PTPRN2: variants seen among roughly 807,000 people sequenced by gnomAD.
The protein encoded by PTPRN2 is protein tyrosine phosphatase receptor type N2.
Under a neutral mutation model 118.8 loss-of-function variants are expected in PTPRN2, and 74 were observed. The observed-to-expected ratio is 0.62, with a 90% CI of 0.52 to 0.76. The LOEUF (loss-of-function observed/expected upper bound fraction) is 0.76, where lower values mean the gene tolerates loss of function less well. PTPRN2 is among the 30% of genes least tolerant of loss of function. The pLI is 0.00. For synonymous variants in PTPRN2, 641 were observed against 608.0 expected (o/e 1.05, Z -0.80); for missense variants, 1,481 against 1,394.4 (o/e 1.06, Z -0.99).
At chr7:157,608,716 A>G (rs1033965881) in intron 15 of PTPRN2, among the ~76,000 whole-genome samples, 2 of 152,154 alleles carry the variant, frequency 1.3e-5, no homozygotes, top group African/African-American at 4.8e-5. Flanking sequence ...GGCCAACCCC[A>G]GGCTGGAGAT....
chr7:158,218,057 T>C (rs922562121), intron 3 of PTPRN2, among the ~76,000 whole-genome samples: 4 of 152,134 alleles, frequency 2.6e-5, no homozygotes, highest in Non-Finnish European at 5.9e-5. Context: ...CCAATCTCAC[T>C]AGAGGTTGAC....
intron 13 of PTPRN2, among the ~76,000 whole-genome samples, chr7:157,657,960 AACAGAC>A (rs1214238583): frequency 1.6e-5 from 1 of 60,750 alleles, no homozygotes; most frequent in Non-Finnish European, 4.1e-5. Context: ...ACACATATGT[AACAGAC>A]ACACACACAC....
rs143130966 is a variant in PTPRN2 at position 158,132,756 on chromosome 7, G to A, written c.1556+921C>T. On this transcript the variant is annotated intron_variant, in intron 9 of 22. Coordinates refer to ENST00000389418, the MANE Select transcript of PTPRN2 (RefSeq NM_002847.5). ...TACCCAACATACACTATACACACAC[G>A]CACATACACATCTACCCAACACACA... Among the ~76,000 whole-genome samples, 392 of 147,410 alleles carry A rather than the reference G, an allele frequency of 2.7e-3. 1 individual carries two copies. The highest frequency in any genetic ancestry group is 9.1e-3 in the African/African-American group (363 of 39,824).
At chr7:157,995,290 G>T (rs73169729) in intron 11 of PTPRN2, among the ~76,000 whole-genome samples, 1 of 149,138 alleles carries the variant, frequency 6.7e-6, no homozygotes, top group Non-Finnish European at 1.5e-5. Flanking sequence ...AATCAACGCC[G>T]CATCCCCAGC....
intron 11 of PTPRN2, among the ~76,000 whole-genome samples, chr7:158,024,818 C>A (rs73527309): frequency 1.3e-5 from 2 of 152,314 alleles, no homozygotes; most frequent in African/African-American, 4.8e-5. Context: ...GACCTCAATT[C>A]CTTTCCACTG....
At chr7:157,976,363 A>G (rs2043496) in intron 11 of PTPRN2, among the ~76,000 whole-genome samples, 120,375 of 152,086 alleles carry the variant, frequency 0.79, 47,960 homozygotes, top group African/African-American at 0.88. Context: ...TCCTGCTCCT[A>G]GCACCGGCTG....
At chr7:158,407,128 T>C (rs144742849) in intron 2 of PTPRN2, among the ~76,000 whole-genome samples, 10,170 of 133,346 alleles carry the variant, frequency 0.076, 498 homozygotes, top group East Asian at 0.14. Context: ...TCCTGGGTCC[T>C]GGGTCCTGCG....
chr7:158,585,618 G>C (rs1215877706), intron 1 of PTPRN2, among the ~76,000 whole-genome samples: 2 of 152,208 alleles, frequency 1.3e-5, no homozygotes, highest in African/African-American at 4.8e-5. Flanking sequence ...CAGTTTAGCA[G>C]CTTTCCTCTC....
intron 6 of PTPRN2, among the ~76,000 whole-genome samples, chr7:158,147,368 C>T (rs1224753125): frequency 1.6e-5 from 1 of 63,762 alleles, no homozygotes. Flanking sequence ...ATCTTTCCCC[C>T]TCAATGACAC....
chr7:158,316,741 A>T, intron 3 of PTPRN2, 78 bp downstream of exon 3: 2 of 1,089,014 alleles, frequency 1.8e-6, no homozygotes, highest in Non-Finnish European at 1.3e-6. Context: ...CCAGCTCCTC[A>T]CCGCCCAGGA....
At chr7:158,523,618 G>C (rs1484133864) in intron 1 of PTPRN2, among the ~76,000 whole-genome samples, 19 of 124,544 alleles carry the variant, frequency 1.5e-4, no homozygotes, top group African/African-American at 5.6e-4. Flanking sequence ...GTCTGCCCTG[G>C]AGTGGAGTCA....
At chr7:157,684,595 T>G (rs920122937) in intron 12 of PTPRN2, among the ~76,000 whole-genome samples, 1 of 12,742 alleles carries the variant, frequency 7.8e-5, no homozygotes, top group South Asian at 2.6e-3. Context: ...TCCCCTCCCC[T>G]CCCCTCCGCC....
At chr7:158,240,063 A>C (rs181123718) in intron 3 of PTPRN2, among the ~76,000 whole-genome samples, 3 of 152,232 alleles carry the variant, frequency 2.0e-5, no homozygotes, top group East Asian at 3.9e-4. Context: ...GAAAAATACC[A>C]CTGGAACCTC....
At chr7:158,023,769 C>CA (rs1807072998) in intron 11 of PTPRN2, among the ~76,000 whole-genome samples, 2 of 152,326 alleles carry the variant, frequency 1.3e-5, no homozygotes, top group African/African-American at 4.8e-5. Flanking sequence ...GCCACTCAGT[C>CA]ATGTCAGTCC....
chr7:157,813,011 G>A lies in PTPRN2; in HGVS notation c.1788+85662C>T, dbSNP rs1226046461. Among the ~76,000 whole-genome samples the A allele has an allele frequency of 6.6e-6, 1 of 152,156 alleles. No individual in the cohort carries two copies. The highest frequency in any genetic ancestry group is 2.4e-5 in the African/African-American group (1 of 41,410). On this transcript the variant is annotated intron_variant, in intron 12 of 22. Transcript: ENST00000389418. The surrounding 1 kb of genome is among the most constrained non-coding windows in gnomAD (Gnocchi z 4.7). The stretch of plus-strand genomic sequence containing the variant: ...TTCACCCGGACCACAGCCTCTGGAT[G>A]AGCTTCTGTTAAAAAGAGATGACTC...
intron 1 of PTPRN2, among the ~76,000 whole-genome samples, chr7:158,504,335 C>G (rs1414392737): frequency 2.0e-5 from 3 of 152,156 alleles, no homozygotes; most frequent in Non-Finnish European, 4.4e-5. Context: ...AGCAATTATT[C>G]CTGTGCTCTC....
At chr7:158,086,779 T>A (rs28393185) in intron 10 of PTPRN2, among the ~76,000 whole-genome samples, 225 of 152,356 alleles carry the variant, frequency 1.5e-3, no homozygotes, top group African/African-American at 4.4e-3. Flanking sequence ...GGCATAAGCA[T>A]TGATTTGGGG....
chr7:157,991,272 G>C (rs1047667987), intron 11 of PTPRN2, among the ~76,000 whole-genome samples: 1 of 152,350 alleles, frequency 6.6e-6, no homozygotes. Flanking sequence ...GGATCCCCAA[G>C]AAAGTACCCG....
At chr7:157,849,874 G>C (rs933457875) in intron 12 of PTPRN2, among the ~76,000 whole-genome samples, 1 of 152,188 alleles carries the variant, frequency 6.6e-6, no homozygotes, top group African/African-American at 2.4e-5. Flanking sequence ...ATGGAGGAGG[G>C]GAAGACGGCA....
Sources: allele counts gnomAD v4.1 joint callset (sites outside exome capture counted in the v4.1 genomes callset), GRCh38; gene constraint gnomAD v4.1.1; non-coding constraint Gnocchi (gnomAD v3.1); transcripts MANE v1.5; gene names NCBI Gene and HGNC (gene_info 2026-07-23, HGNC 2026-07-21).